MYO18A: variants seen among roughly 807,000 people sequenced by gnomAD.
MYO18A encodes unconventional myosin-XVIIIa.
A neutral mutation model predicts 235.8 loss-of-function variants in MYO18A; 78 were observed. The ratio of observed to expected loss-of-function variants is 0.33; its 90% CI spans 0.28 to 0.40. The LOEUF is 0.40. MYO18A is among the 10% of genes least tolerant of loss of function. The pLI is 1.00. For missense variants in MYO18A, 2,215 were observed against 2,699.3 expected, an observed-to-expected ratio of 0.82 and a Z score of 3.98; for synonymous variants, 977 against 1,077.8, an observed-to-expected ratio of 0.91 and a Z score of 1.83.
At position 29,111,855 on chromosome 17, in the gene MYO18A, C is replaced by T. The variant is rs151333182; in HGVS notation, c.2607G>A (p.Ser869=). The T allele has an allele frequency of 3.1e-4, 498 of 1,610,620 alleles. 3 individuals carry two copies. In the East Asian group the frequency reaches 0.01, roughly 34 times the overall value. Residue 869 remains serine (S), a synonymous_variant, in exon 16 of 42, where the codon TCG becomes TCA. Coordinates refer to ENST00000527372, the MANE Select transcript of MYO18A (RefSeq NM_078471.4). The surrounding 1 kb of genome is among the most constrained non-coding windows in gnomAD (Gnocchi z 5.1). ...DQASHQSLVR[S]LARTDEARGL... ...CCCTCGCCTCGTCTGTGCGGGCCAG[C>T]GAGCGGACCTACAGAGAAGGAAGGA...
rs764012064 is a variant in MYO18A at position 29,122,146 on chromosome 17, C to G, written c.1087+20G>C. On this transcript the variant is annotated intron_variant, in intron 3 of 41. Transcript: ENST00000527372. Reference sequence around the variant, plus strand: ...GACCAGTGAGTCCTGACATGTGCCCCCAGACCCTCTGAGACTCACCCAGTG... The same window carrying G: ...GACCAGTGAGTCCTGACATGTGCCCGCAGACCCTCTGAGACTCACCCAGTG... 1.9e-6 allele frequency: 3 copies of G among 1,608,404 alleles called. No homozygotes were observed. The highest frequency in any genetic ancestry group is 1.1e-5 in the South Asian group (1 of 90,156).
intron 1 of MYO18A, among the ~76,000 whole-genome samples, chr17:29,174,447 A>G (rs76903556): frequency 6.6e-6 from 1 of 152,108 alleles, no homozygotes; most frequent in African/African-American, 2.4e-5. Context: ...TCAAGGCTGC[A>G]TGAGCCAAGA....
chr17:29,132,888 T>G (rs944747546), intron 2 of MYO18A, among the ~76,000 whole-genome samples: 2 of 152,184 alleles, frequency 1.3e-5, no homozygotes, highest in African/African-American at 4.8e-5. Context: ...GGTCTGTGCC[T>G]GCTGCCCCCC....
At chr17:29,085,511 G>T in intron 40 of MYO18A, 93 bp downstream of exon 40, 1 of 1,115,358 alleles carries the variant, frequency 9.0e-7, no homozygotes, top group Non-Finnish European at 1.3e-6. Context: ...GTATCCACAT[G>T]CTGCGTGCAG....
At chr17:29,175,181 C>G (rs1369091787) in intron 1 of MYO18A, among the ~76,000 whole-genome samples, 1 of 151,890 alleles carries the variant, frequency 6.6e-6, no homozygotes, top group East Asian at 1.9e-4. Context: ...ATCTTGAACT[C>G]CTGGCTTCAA....
At chr17:29,155,945 C>T (rs1008365134) in intron 2 of MYO18A, among the ~76,000 whole-genome samples, 6 of 152,332 alleles carry the variant, frequency 3.9e-5, no homozygotes, top group African/African-American at 1.4e-4. Context: ...AGACAAGTCA[C>T]CTAGGCCAGT....
chr17:29,162,430 A>C (rs2068193394), intron 2 of MYO18A, among the ~76,000 whole-genome samples: 2 of 152,014 alleles, frequency 1.3e-5, no homozygotes, highest in Non-Finnish European at 2.9e-5. Flanking sequence ...TTCTCTCTCC[A>C]TAACTTTAGG....
At chr17:29,098,710 G>C in intron 23 of MYO18A, 116 bp downstream of exon 23, 1 of 1,375,896 alleles carries the variant, frequency 7.3e-7, no homozygotes, top group Non-Finnish European at 9.9e-7. Flanking sequence ...TATTTGATGA[G>C]CACATTTCAA....
intron 2 of MYO18A, chr17:29,128,539 C>T (rs971761531): frequency 3.8e-5 from 48 of 1,254,074 alleles, no homozygotes; most frequent in Non-Finnish European, 4.9e-5. Context: ...TTGAGCTGCC[C>T]TCTAGCTACA....
intron 2 of MYO18A, among the ~76,000 whole-genome samples, chr17:29,129,949 AC>A (rs1450358995): frequency 1.3e-5 from 2 of 152,114 alleles, no homozygotes; most frequent in African/African-American, 4.8e-5. Flanking sequence ...ACTGGATCCT[AC>A]ACTCCTCCCC....
intron 1 of MYO18A, among the ~76,000 whole-genome samples, chr17:29,176,366 G>A (rs2068526938): frequency 6.6e-6 from 1 of 151,492 alleles, no homozygotes; most frequent in Non-Finnish European, 1.5e-5. Context: ...ATTTAAATGG[G>A]TCACCTAGCA....
At position 29,166,931 on chromosome 17, in the gene MYO18A, G is replaced by T; in HGVS notation, c.10C>A (p.Leu4Ile). Residue 4 changes from leucine (L) to isoleucine (I), a missense_variant, in exon 2 of 42, where the codon CTA becomes ATA. Coordinates refer to ENST00000527372, the MANE Select transcript of MYO18A (RefSeq NM_078471.4). MFN[L>I]MKKDKDKDGG... The stretch of plus-strand genomic sequence containing the variant: ...TCTTTGTCCTTGTCTTTCTTCATTA[G>T]GTTAAACATGGTGGGGGTGCTGTTT... 6.5e-7 allele frequency: 1 copy of T among 1,538,846 alleles called. No individual in the cohort carries two copies. Among genetic ancestry groups the T allele is most frequent in the Non-Finnish European group, 8.8e-7 (1 of 1,138,908 alleles).
At chr17:29,168,943 G>A (rs769385770) in intron 1 of MYO18A, among the ~76,000 whole-genome samples, 3 of 152,182 alleles carry the variant, frequency 2.0e-5, no homozygotes, top group Non-Finnish European at 4.4e-5. Context: ...GCCGAGGTGG[G>A]CGGATCACCA....
In MYO18A at chr17:29,125,704, C is replaced by G. The variant is rs982516996; in HGVS notation, c.1000-3451G>C. On this transcript the variant is annotated intron_variant, in intron 2 of 41. Transcript: ENST00000527372. This position sits in a 1 kb window ranked among gnomAD's most constrained non-coding sequence, Gnocchi z 5.1. ...TCCCACATGCACAGGACTTTGGGCT[C>G]TCTGGAGGAACCACTCTCCCCAGAG... Among the ~76,000 whole-genome samples the G allele has an allele frequency of 6.6e-6, 1 of 152,228 alleles. No homozygotes were observed. Among genetic ancestry groups the G allele is most frequent in the Admixed American group, 6.5e-5 (1 of 15,286 alleles).
chr17:29,081,778 G>C (rs1188134038), intron 41 of MYO18A, among the ~76,000 whole-genome samples: 4 of 152,192 alleles, frequency 2.6e-5, no homozygotes, highest in Non-Finnish European at 4.4e-5. Context: ...GAAAACAGGG[G>C]AGTACATTCC....
At chr17:29,085,135 C>T (rs1346531743) in intron 40 of MYO18A, among the ~76,000 whole-genome samples, 1 of 152,232 alleles carries the variant, frequency 6.6e-6, no homozygotes, top group Non-Finnish European at 1.5e-5. Flanking sequence ...CCTTGTCTGC[C>T]AAGAGAAGGT....
intron 37 of MYO18A, among the ~76,000 whole-genome samples, chr17:29,087,871 T>C (rs750988357): frequency 1.3e-5 from 2 of 151,880 alleles, no homozygotes; most frequent in Non-Finnish European, 2.9e-5. Flanking sequence ...GGGAAGGGAC[T>C]AGGCCCAAGA....
chr17:29,167,629 CCAGGAGG>C (rs1217718075), intron 1 of MYO18A, among the ~76,000 whole-genome samples: 2 of 151,966 alleles, frequency 1.3e-5, no homozygotes, highest in Non-Finnish European at 2.9e-5. Flanking sequence ...TTGCTTGAGC[CCAGGAGG>C]TCGAGGTTGC....
chr17:29,084,383 T>C (rs554970696), intron 40 of MYO18A, among the ~76,000 whole-genome samples: 1 of 152,148 alleles, frequency 6.6e-6, no homozygotes, highest in African/African-American at 2.4e-5. Flanking sequence ...AGTGGATGGG[T>C]TGCAAAGCTG....
Sources: allele counts gnomAD v4.1 joint callset (sites outside exome capture counted in the v4.1 genomes callset), GRCh38; gene constraint gnomAD v4.1.1; non-coding constraint Gnocchi (gnomAD v3.1); transcripts MANE v1.5; gene names NCBI Gene and HGNC (gene_info 2026-07-23, HGNC 2026-07-21).